PDS5B: variants seen among roughly 807,000 people sequenced by gnomAD.
PDS5B encodes PDS5 cohesin associated factor B.
PDS5B carries 51 observed loss-of-function variants against 184.1 expected under a neutral mutation model. The observed-to-expected ratio is 0.28, with a 90% CI of 0.22 to 0.35. The LOEUF is 0.35. PDS5B is among the 10% of genes least tolerant of loss of function. The probability of loss-of-function intolerance (pLI) is 1.00; values close to 1 mark genes in which losing one functional copy is unlikely to be tolerated. For missense variants in PDS5B, 1,180 were observed against 1,723.3 expected (o/e 0.68, Z 5.58); for synonymous variants, 566 against 569.2 (o/e 0.99, Z 0.08).
chr13:32,717,017 T>TG lies in PDS5B; in HGVS notation c.2123+6918dup, dbSNP rs1189536163. Among the ~76,000 whole-genome samples, 748 of 100,020 alleles carry TG rather than the reference T, an allele frequency of 7.5e-3. 11 individuals carry two copies. Among genetic ancestry groups the TG allele is most frequent in the African/African-American group, 0.016 (360 of 22,516 alleles). 65.6% of individuals were successfully genotyped at this position (100,020 alleles called of 152,430 possible). ...CCAGCTGCCCCGTCCGGGAGGGAGG[T>TG]GGGGGGGTCAGCCCCCCGCCCGGCC... On this transcript the variant is annotated intron_variant, in intron 19 of 34. Transcript: ENST00000315596.
intron 1 of PDS5B, among the ~76,000 whole-genome samples, chr13:32,630,030 C>G (rs2058430138): frequency 2.0e-5 from 3 of 152,172 alleles, no homozygotes; most frequent in African/African-American, 7.2e-5. Context: ...AATGTAGGGG[C>G]CAAGACAAGT....
At chr13:32,759,822 T>C (rs561196574) in intron 29 of PDS5B, 132 bp downstream of exon 29, 1 of 525,718 alleles carries the variant, frequency 1.9e-6, no homozygotes, top group South Asian at 3.3e-5. Flanking sequence ...TTAACGATCT[T>C]ACATTTACTA....
At chr13:32,716,030 C>T (rs1228526884) in intron 19 of PDS5B, among the ~76,000 whole-genome samples, 1 of 135,902 alleles carries the variant, frequency 7.4e-6, no homozygotes, top group Non-Finnish European at 1.6e-5. Flanking sequence ...TCCCAGCCGC[C>T]TGCCTTGGCC....
At chr13:32,687,005 G>T in intron 11 of PDS5B, 129 bp from the exon 12 acceptor site, 1 of 643,790 alleles carries the variant, frequency 1.6e-6, no homozygotes, top group Non-Finnish European at 2.7e-6. Flanking sequence ...ATTATAAATT[G>T]ATATTTAGTA....
chr13:32,773,040 A>G, intron 33 of PDS5B, 149 bp from the exon 34 acceptor site: 1 of 631,140 alleles, frequency 1.6e-6, no homozygotes, highest in East Asian at 3.0e-5. Context: ...CTGGTTTAGG[A>G]TTCAGAATAT....
At chr13:32,622,341 T>C (rs1593276426) in intron 1 of PDS5B, among the ~76,000 whole-genome samples, 1 of 152,214 alleles carries the variant, frequency 6.6e-6, no homozygotes, top group African/African-American at 2.4e-5. Flanking sequence ...TTACATTTCC[T>C]AACATATGGA....
intron 1 of PDS5B, among the ~76,000 whole-genome samples, chr13:32,612,304 G>A (rs2058156193): frequency 6.6e-6 from 1 of 152,098 alleles, no homozygotes; most frequent in African/African-American, 2.4e-5. Context: ...CTGACCTCAG[G>A]TGATCCACTC....
chr13:32,665,619 AT>A (rs1330419423), intron 6 of PDS5B, among the ~76,000 whole-genome samples: 18 of 150,666 alleles, frequency 1.2e-4, no homozygotes, highest in Middle Eastern at 3.4e-3. Context: ...AAAAAAGAAA[AT>A]AAACATCTTT....
intron 6 of PDS5B, among the ~76,000 whole-genome samples, chr13:32,666,332 G>A (rs1241127032): frequency 6.6e-6 from 1 of 152,142 alleles, no homozygotes; most frequent in Non-Finnish European, 1.5e-5. Context: ...ACCTGCCTCT[G>A]CCTCCCAAAT....
rs541576108 is a variant in PDS5B at position 32,590,028 on chromosome 13, CATG to C, written c.-20+3438_-20+3440del. Reference sequence around the variant, plus strand: ...GAGTGATCGTGCACAGTGAAAAAATCATGATAATAAAACTTAGATGAATAAAAT... The same window carrying C: ...GAGTGATCGTGCACAGTGAAAAAATCATAATAAAACTTAGATGAATAAAAT... On this transcript the variant is annotated intron_variant, in intron 1 of 34. Transcript: ENST00000315596. 4.1e-4 allele frequency among the ~76,000 whole-genome samples: 62 copies of C among 152,214 alleles called. 1 individual carries two copies. In the South Asian group the frequency reaches 1.0e-2, roughly 24 times the overall value.
intron 1 of PDS5B, among the ~76,000 whole-genome samples, chr13:32,641,899 T>C (rs1950103091): frequency 6.6e-6 from 1 of 152,192 alleles, no homozygotes. Flanking sequence ...CTCTGGGTTT[T>C]CCCCCATCTC....
chr13:32,603,488 G>A (rs1056900578), intron 1 of PDS5B, among the ~76,000 whole-genome samples: 2 of 152,160 alleles, frequency 1.3e-5, no homozygotes, highest in African/African-American at 4.8e-5. Context: ...ATGCTGGTTT[G>A]GTTACTGTAG....
intron 13 of PDS5B, chr13:32,691,337 A>G (rs1215748172): frequency 6.6e-6 from 1 of 152,068 alleles, no homozygotes; most frequent in Non-Finnish European, 1.5e-5. Context: ...GCTGTACCTC[A>G]TTCATTTCAC....
Position 32,678,896 on chromosome 13 carries a change from A to G in PDS5B, c.1024A>G (p.Met342Val), listed in dbSNP as rs1267235421. The change falls in exon 10 of 35, where the codon ATG becomes GTG. Residue 342 changes from methionine (M) to valine (V), a missense_variant. Coordinates refer to ENST00000315596, the MANE Select transcript of PDS5B (RefSeq NM_015032.4). ...TGTGAAATTTGCTAGCCATTGTCTCATGAACCATCCTGATTTAGCAAAAGA... is the reference window on the plus strand; with the variant it reads ...TGTGAAATTTGCTAGCCATTGTCTCGTGAACCATCCTGATTTAGCAAAAGA... ...ECVKFASHCL[M>V]NHPDLAKDLT... The G allele has an allele frequency of 3.1e-6, 5 of 1,605,644 alleles. No individual in the cohort carries two copies. The highest frequency in any genetic ancestry group is 4.3e-6 in the Non-Finnish European group (5 of 1,172,400).
At chr13:32,718,141 G>A (rs1198330349) in intron 19 of PDS5B, among the ~76,000 whole-genome samples, 1 of 148,406 alleles carries the variant, frequency 6.7e-6, no homozygotes, top group Non-Finnish European at 1.5e-5. Flanking sequence ...GATAGATGCT[G>A]AAAGGGCTTC....
chr13:32,690,579 T>C (rs1309440700), intron 13 of PDS5B: 2 of 152,026 alleles, frequency 1.3e-5, no homozygotes, highest in Non-Finnish European at 1.5e-5. Context: ...TAATGAAAAC[T>C]TTAATACCAG....
At chr13:32,738,274 A>T (rs1237940128) in intron 21 of PDS5B, among the ~76,000 whole-genome samples, 1 of 152,174 alleles carries the variant, frequency 6.6e-6, no homozygotes, top group African/African-American at 2.4e-5. Context: ...AGACATATTT[A>T]ACTTTTCACT....
At chr13:32,720,532 C>A (rs916621876) in intron 19 of PDS5B, among the ~76,000 whole-genome samples, 7 of 151,904 alleles carry the variant, frequency 4.6e-5, no homozygotes, top group South Asian at 2.1e-4. Flanking sequence ...TAACGATAGA[C>A]CAGATGTATA....
chr13:32,642,200 C>T (rs1277961397), intron 1 of PDS5B, among the ~76,000 whole-genome samples: 1 of 152,154 alleles, frequency 6.6e-6, no homozygotes, highest in East Asian at 1.9e-4. Flanking sequence ...GTGTCTAGCT[C>T]TACTTTTTGC....
Sources: gnomAD v4.1 joint callset for allele counts (sites outside exome capture counted in the v4.1 genomes callset) on GRCh38, gnomAD v4.1.1 for gene constraint, MANE v1.5 for transcripts, NCBI Gene and HGNC (gene_info 2026-07-23, HGNC 2026-07-21) for gene names.